CHLSN: variants seen among roughly 807,000 people sequenced by gnomAD.
The protein encoded by CHLSN is protein cholesin.
the CHLSN span, among the ~76,000 whole-genome samples, chr7:1,105,193 T>C: frequency 1.3e-5 from 2 of 152,118 alleles, no homozygotes; most frequent in African/African-American, 4.8e-5. Context: ...TGGAATAAAA[T>C]CTCACTTCAG....
At chr7:1,014,633 C>T in the CHLSN span, among the ~76,000 whole-genome samples, 1 of 152,268 alleles carries the variant, frequency 6.6e-6, no homozygotes, top group South Asian at 2.1e-4. Flanking sequence ...AAACGTGGGA[C>T]AAACACGCGG....
At chr7:1,072,791 C>G in the CHLSN span, among the ~76,000 whole-genome samples, 1 of 147,644 alleles carries the variant, frequency 6.8e-6, no homozygotes, top group Non-Finnish European at 1.5e-5. Flanking sequence ...GCAGGTGATT[C>G]TCCTGCCTCA....
At chr7:987,098 C>A in the CHLSN span, 1 of 1,526,930 alleles carries the variant, frequency 6.5e-7, no homozygotes, top group Non-Finnish European at 8.8e-7. Context: ...CTGCCCCACG[C>A]CTCTGCAGGG....
chr7:1,055,335 G>C, the CHLSN span: 1 of 471,126 alleles, frequency 2.1e-6, no homozygotes. Context: ...GGCCAGGCGC[G>C]CTGCTGATAA....
chr7:989,789 G>T, the CHLSN span: 1 of 206,406 alleles, frequency 4.8e-6, no homozygotes, highest in Non-Finnish European at 1.0e-5. Context: ...CAAACAAACA[G>T]AAGGAAATGT....
At chr7:1,022,583 C>A in the CHLSN span, among the ~76,000 whole-genome samples, 4 of 152,208 alleles carry the variant, frequency 2.6e-5, no homozygotes, top group Non-Finnish European at 4.4e-5. Context: ...CCACGGCAAC[C>A]CTCGCAGAGT....
At chr7:1,078,769 A>T in the CHLSN span, among the ~76,000 whole-genome samples, 1 of 152,224 alleles carries the variant, frequency 6.6e-6, no homozygotes. Flanking sequence ...GGACCCCGGG[A>T]CAGTGCCTGC....
the CHLSN span, among the ~76,000 whole-genome samples, chr7:995,706 C>T: frequency 6.6e-6 from 1 of 152,290 alleles, no homozygotes; most frequent in Non-Finnish European, 1.5e-5. Flanking sequence ...CCTGGCAGAT[C>T]TGAAGGTTCG....
the CHLSN span, among the ~76,000 whole-genome samples, chr7:990,462 G>A: frequency 2.0e-5 from 3 of 152,030 alleles, 1 homozygote; most frequent in Non-Finnish European, 4.4e-5. Flanking sequence ...GTGAGCGGCA[G>A]GCGGCCCCTC....
the CHLSN span, among the ~76,000 whole-genome samples, chr7:1,108,473 A>C: frequency 6.6e-6 from 1 of 152,154 alleles, no homozygotes; most frequent in African/African-American, 2.4e-5. Flanking sequence ...TGCGGACTCC[A>C]CGAATCTCAC....
chr7:1,017,759 A>G, the CHLSN span, among the ~76,000 whole-genome samples: 2 of 152,162 alleles, frequency 1.3e-5, no homozygotes, highest in South Asian at 2.1e-4. Context: ...ACGGCGGGGA[A>G]GGGGCAGCTG....
At chr7:1,064,843 G>C in the CHLSN span, among the ~76,000 whole-genome samples, 26 of 152,326 alleles carry the variant, frequency 1.7e-4, no homozygotes, top group Non-Finnish European at 3.4e-4. Context: ...AGAAGCCCCA[G>C]CCCACCCCAC....
the CHLSN span, among the ~76,000 whole-genome samples, chr7:1,132,161 A>C: frequency 2.0e-5 from 3 of 152,268 alleles, no homozygotes; most frequent in African/African-American, 2.4e-5. Flanking sequence ...GGCCTCTTAC[A>C]TATGGCACCA....
At chr7:1,070,923 G>A in the CHLSN span, among the ~76,000 whole-genome samples, 13 of 109,944 alleles carry the variant, frequency 1.2e-4, no homozygotes, top group Non-Finnish European at 1.7e-4. Flanking sequence ...CACACAGCAC[G>A]CACAGACACG....
At chr7:1,056,873 T>TG in the CHLSN span, 1 of 7,104 alleles carries the variant, frequency 1.4e-4, no homozygotes, top group South Asian at 6.7e-3. Flanking sequence ...GGTGGGGGGG[T>TG]GGGGGTGGCG....
At chr7:1,121,122 G>C in the CHLSN span, among the ~76,000 whole-genome samples, 12 of 152,200 alleles carry the variant, frequency 7.9e-5, no homozygotes, top group African/African-American at 2.7e-4. Flanking sequence ...CTGCCTACGC[G>C]GGCTTCAGGG....
the CHLSN span, chr7:1,028,961 T>G: frequency 3.5e-6 from 1 of 287,666 alleles, no homozygotes; most frequent in Non-Finnish European, 4.9e-6. Flanking sequence ...GGCAGAGGCC[T>G]AGCCCTCCCA....
the CHLSN span, among the ~76,000 whole-genome samples, chr7:1,107,378 C>T: frequency 0.034 from 5,152 of 152,270 alleles, 286 homozygotes; most frequent in African/African-American, 0.12. Flanking sequence ...CAAGAACCCA[C>T]TACACAGAAG....
At chr7:1,072,079 A>T in the CHLSN span, among the ~76,000 whole-genome samples, 1 of 152,194 alleles carries the variant, frequency 6.6e-6, no homozygotes, top group Non-Finnish European at 1.5e-5. Context: ...TGGGCAAGGC[A>T]TCCATAGACA....
Sources: allele counts gnomAD v4.1 joint callset (sites outside exome capture counted in the v4.1 genomes callset), GRCh38; gene constraint gnomAD v4.1.1; transcripts MANE v1.5; gene names NCBI Gene and HGNC (gene_info 2026-07-23, HGNC 2026-07-21).